The following RYR2 variants were observed in gnomAD, a reference collection of about 807,000 sequenced individuals.
The protein encoded by RYR2 is ryanodine receptor 2.
Under a neutral mutation model 601.1 loss-of-function variants are expected in RYR2, and 227 were observed. That is an observed-to-expected ratio of 0.38 (90% CI 0.34 to 0.42). The LOEUF is 0.42. RYR2 is among the 10% of genes least tolerant of loss of function. The pLI is 1.00. For synonymous variants in RYR2, 2,223 were observed against 2,175.1 expected (o/e 1.02, Z -0.61); for missense variants, 4,646 against 6,156.5 (o/e 0.75, Z 8.21).
intron 24 of RYR2, among the ~76,000 whole-genome samples, chr1:237,512,315 C>A (rs551969146): frequency 1.3e-5 from 2 of 152,190 alleles, no homozygotes; most frequent in South Asian, 2.1e-4. Context: ...TCAGGAAAAA[C>A]CACAATAGAC....
intron 62 of RYR2, among the ~76,000 whole-genome samples, chr1:237,687,018 G>A (rs1285324183): frequency 1.3e-5 from 2 of 152,082 alleles, no homozygotes; most frequent in African/African-American, 2.4e-5. Flanking sequence ...AGCACCATAC[G>A]TCTGTTGTAA....
chr1:237,488,013 T>A (rs778155267), intron 17 of RYR2, among the ~76,000 whole-genome samples: 5 of 152,104 alleles, frequency 3.3e-5, no homozygotes, highest in Non-Finnish European at 7.4e-5. Flanking sequence ...AATCGGGGAT[T>A]TGTTTTCATA....
intron 74 of RYR2, among the ~76,000 whole-genome samples, chr1:237,726,007 A>G (rs964211132): frequency 3.3e-5 from 5 of 152,054 alleles, no homozygotes; most frequent in Admixed American, 2.0e-4. Context: ...ACAGTGGTTT[A>G]TTTCACTTGA....
At chr1:237,528,552 G>A (rs537329207) in intron 24 of RYR2, among the ~76,000 whole-genome samples, 31 of 152,116 alleles carry the variant, frequency 2.0e-4, no homozygotes, top group Admixed American at 5.9e-4. Context: ...TTCACTGTCC[G>A]TGTGAGTTGA....
At position 237,637,071 on chromosome 1, in the gene RYR2, G is replaced by A. The variant is rs148698652; in HGVS notation, c.6793-1286G>A. On this transcript the variant is annotated intron_variant, in intron 44 of 104. Transcript: ENST00000366574. ...TGCAAAGGGCCCAGGGAGCTCTGAG[G>A]AGTGACGGCCATGTTCTGCGTCTTG... Among the ~76,000 whole-genome samples, 1,037 of 152,294 alleles carry A rather than the reference G, an allele frequency of 6.8e-3. 14 individuals are homozygous for A. Among genetic ancestry groups the A allele is most frequent in the African/African-American group, 0.024 (978 of 41,562 alleles).
At chr1:237,390,889 G>A (rs4233471) in intron 10 of RYR2, among the ~76,000 whole-genome samples, 78,400 of 151,852 alleles carry the variant, frequency 0.52, 20,607 homozygotes, top group Admixed American at 0.67. Context: ...TGGTAAGAAC[G>A]CGTTTGTTTG....
chr1:237,625,946 T>C (rs1679599240), intron 40 of RYR2, 142 bp downstream of exon 40: 1 of 844,378 alleles, frequency 1.2e-6, no homozygotes, highest in Non-Finnish European at 1.8e-6. Context: ...TAGATGCCTG[T>C]AGCTCCCAGA....
Position 237,640,915 on chromosome 1 carries a change from A to G in RYR2, c.7134A>G (p.Glu2378=), listed in dbSNP as rs1573283944. ...SSKTLDTEEE[E]DDTIHMGNAI... is the part of the protein sequence containing the mutation. ...ATGAAAGTGACACAGAGGAGGAGGA[A>G]GATGACACTATCCACATGGGGAACG... Residue 2378 remains glutamate, a synonymous_variant, in exon 47 of 105, where the codon GAA becomes GAG. Transcript: ENST00000366574. The G allele has an allele frequency of 1.9e-6, 3 of 1,613,204 alleles. No individual in the cohort carries two copies. Among genetic ancestry groups the G allele is most frequent in the Non-Finnish European group, 2.5e-6 (3 of 1,179,634 alleles).
At chr1:237,478,367 A>G (rs947949619) in intron 17 of RYR2, among the ~76,000 whole-genome samples, 4 of 152,186 alleles carry the variant, frequency 2.6e-5, no homozygotes, top group Admixed American at 1.3e-4. Context: ...GTCAATGGGA[A>G]TGGTAAAAAT....
intron 27 of RYR2, among the ~76,000 whole-genome samples, chr1:237,552,059 A>G (rs910446991): frequency 6.6e-6 from 1 of 152,196 alleles, no homozygotes; most frequent in Non-Finnish European, 1.5e-5. Flanking sequence ...AAATTAAATG[A>G]CGTATCTACT....
intron 1 of RYR2, among the ~76,000 whole-genome samples, chr1:237,233,994 C>T (rs556967677): frequency 2.0e-5 from 3 of 152,182 alleles, no homozygotes; most frequent in Admixed American, 6.5e-5. Flanking sequence ...ACCCAGCTGA[C>T]AATGTCTTGA....
intron 10 of RYR2, among the ~76,000 whole-genome samples, chr1:237,400,588 G>C (rs541919409): frequency 6.6e-6 from 1 of 152,158 alleles, no homozygotes; most frequent in Admixed American, 6.5e-5. Context: ...CTGATGGGAG[G>C]GAGACTCAAA....
At chr1:237,831,164 A>T (rs996961872) in intron 103 of RYR2, among the ~76,000 whole-genome samples, 3 of 152,182 alleles carry the variant, frequency 2.0e-5, no homozygotes, top group African/African-American at 7.2e-5. Context: ...GATGCCGAGT[A>T]GCATTATAGG....
chr1:237,489,366 A>G (rs1330249097), intron 17 of RYR2, among the ~76,000 whole-genome samples: 1 of 152,192 alleles, frequency 6.6e-6, no homozygotes, highest in African/African-American at 2.4e-5. Context: ...GGCTATTGTT[A>G]AAAAGTCAGG....
At chr1:237,059,670 T>G (rs921881619) in intron 1 of RYR2, among the ~76,000 whole-genome samples, 3 of 152,164 alleles carry the variant, frequency 2.0e-5, no homozygotes, top group Admixed American at 2.0e-4. Flanking sequence ...ACTAAGGCCA[T>G]GTATTTATTT....
intron 17 of RYR2, among the ~76,000 whole-genome samples, chr1:237,484,337 T>G (rs777986569): frequency 9.2e-5 from 14 of 152,164 alleles, no homozygotes; most frequent in Non-Finnish European, 1.9e-4. Context: ...TGCAAAACAG[T>G]TGTAACCATA....
chr1:237,145,847 C>T (rs1673941922), intron 1 of RYR2, among the ~76,000 whole-genome samples: 3 of 152,210 alleles, frequency 2.0e-5, no homozygotes, highest in Admixed American at 1.3e-4. Context: ...TTAGATGCCT[C>T]AGCTATATTT....
intron 56 of RYR2, among the ~76,000 whole-genome samples, chr1:237,664,867 G>T (rs186117219): frequency 1.3e-5 from 2 of 152,114 alleles, no homozygotes; most frequent in African/African-American, 4.8e-5. Flanking sequence ...ATGTTGTGGT[G>T]GGCAAAATTA....
intron 1 of RYR2, among the ~76,000 whole-genome samples, chr1:237,102,429 A>G (rs1668215324): frequency 6.6e-6 from 1 of 152,204 alleles, no homozygotes. Flanking sequence ...ATACAGATAC[A>G]TCCATGAGGC....
Sources: allele counts gnomAD v4.1 joint callset (sites outside exome capture counted in the v4.1 genomes callset), GRCh38; gene constraint gnomAD v4.1.1; transcripts MANE v1.5; gene names NCBI Gene and HGNC (gene_info 2026-07-23, HGNC 2026-07-21).